Variants in KLHL36 observed in about 807,000 individuals in gnomAD.
KLHL36 encodes kelch-like protein 36.
A neutral mutation model predicts 53.3 loss-of-function variants in KLHL36; 35 were observed. The observed-to-expected ratio is 0.66, with a 90% CI of 0.50 to 0.87. The LOEUF is 0.87. Ranked by LOEUF, KLHL36 falls within the 40% of genes least tolerant of loss-of-function variation. KLHL36 has a pLI of 0.00. For synonymous variants in KLHL36, 472 were observed against 398.9 expected (o/e 1.18, Z -2.18); for missense variants, 864 against 897.6 (o/e 0.96, Z 0.48).
chr16:84,656,485 C>T, intron 2 of KLHL36, among the ~76,000 whole-genome samples: 1 of 151,206 alleles, frequency 6.6e-6, no homozygotes, highest in East Asian at 2.0e-4. Context: ...GGCCAGGCTG[C>T]TCTCAAACTC....
chr16:84,651,018 T>C (rs1395920011), intron 2 of KLHL36, 88 bp downstream of exon 2: 3 of 1,131,730 alleles, frequency 2.7e-6, no homozygotes, highest in African/African-American at 1.6e-5. Flanking sequence ...CACAGACTGA[T>C]TTTTTTGTCA....
At chr16:84,660,290 C>T (rs561087105) in intron 4 of KLHL36, among the ~76,000 whole-genome samples, 3 of 152,086 alleles carry the variant, frequency 2.0e-5, no homozygotes, top group Non-Finnish European at 2.9e-5. Context: ...GTCTTCACCC[C>T]GCTCGGCCTT....
intron 3 of KLHL36, chr16:84,659,508 A>G: frequency 2.2e-6 from 1 of 458,216 alleles, no homozygotes; most frequent in South Asian, 3.1e-5. Context: ...TCGGGGGTTC[A>G]GAGCATCTCC....
At chr16:84,652,411 C>T (rs1906944114) in intron 2 of KLHL36, among the ~76,000 whole-genome samples, 1 of 152,064 alleles carries the variant, frequency 6.6e-6, no homozygotes, top group Non-Finnish European at 1.5e-5. Flanking sequence ...GCTGGGAATA[C>T]AGGTGCATGC....
Position 84,662,098 on chromosome 16 carries a change from G to A in KLHL36, c.1816G>A (p.Gly606Ser), listed in dbSNP as rs773316572. ...EPRPEDKKKK[G>S]KGKRHQDRGQ Reference sequence around the variant, plus strand: ...ACGGCCAGAGGACAAGAAGAAGAAAGGCAAAGGCAAGAGGCACCAGGACCG... The same window carrying A: ...ACGGCCAGAGGACAAGAAGAAGAAAAGCAAAGGCAAGAGGCACCAGGACCG... The change falls in exon 5 of 5, where the codon GGC becomes AGC. Residue 606 changes from glycine (G) to serine (S), a missense_variant. Physicochemically the swap from Gly to Ser is moderately conservative, Grantham distance 56 (BLOSUM62 0). Transcript: ENST00000564996. 102 of 1,566,664 alleles carry A rather than the reference G, an allele frequency of 6.5e-5. No individual in the cohort carries two copies. The highest frequency in any genetic ancestry group is 8.7e-5 in the Non-Finnish European group (101 of 1,155,048).
chr16:84,656,683 GA>G (rs35874869), intron 2 of KLHL36, among the ~76,000 whole-genome samples, 187 bp from the exon 3 acceptor site: 22 of 147,358 alleles, frequency 1.5e-4, no homozygotes, highest in African/African-American at 4.0e-4. Context: ...ATAAGAGAAG[GA>G]AAAAAAAAAC....
rs1907306774 is a variant in KLHL36 at position 84,657,738 on chromosome 16, C to G, written c.931C>G (p.Leu311Val). 6.2e-7 allele frequency: 1 copy of G among 1,612,436 alleles called. No homozygotes were observed. The highest frequency in any genetic ancestry group is 8.5e-7 in the Non-Finnish European group (1 of 1,179,684). Residue 311 changes from leucine to valine, a missense_variant, in exon 3 of 5, where the codon CTC becomes GTC. Transcript: ENST00000564996. ...GGEVSERCLE[L>V]SDDTCYLDAK... ...CGAGGTCTCCGAGCGGTGTCTGGAG[C>G]TCAGTGACGACACCTGCTACCTGGA... is the stretch of plus-strand genomic sequence containing the variant.
Position 84,648,996 on chromosome 16 carries a change from A to G in KLHL36, c.-17+347A>G, listed in dbSNP as rs1268562929. 2 of 152,132 alleles carry G rather than the reference A, an allele frequency of 1.3e-5. No individual in the cohort carries two copies. The highest frequency in any genetic ancestry group is 2.9e-5 in the Non-Finnish European group (2 of 68,000). The allele number at this position is 152,132 out of a possible 1,614,324, so 9.4% of individuals were successfully genotyped here. On this transcript the variant is annotated intron_variant, in intron 1 of 4. Transcript: ENST00000564996. This position sits in a 1 kb window ranked among gnomAD's most constrained non-coding sequence, Gnocchi z 4.9. Reference sequence around the variant, plus strand: ...CCGCCTGGGCTGCGGGGTCCGAGCGAACGACAGCGGCGTCCCCGGAGACCC... The same window carrying G: ...CCGCCTGGGCTGCGGGGTCCGAGCGGACGACAGCGGCGTCCCCGGAGACCC...
chr16:84,651,059 A>G lies in KLHL36; in HGVS notation c.63+129A>G, dbSNP rs992105349. 4 of 730,186 alleles carry G rather than the reference A, an allele frequency of 5.5e-6. No individual in the cohort carries two copies. In the African/African-American group the frequency reaches 7.2e-5, roughly 13 times the overall value. 45.2% of individuals were successfully genotyped at this position (730,186 alleles called of 1,614,324 possible). ...GTTGTCAGTCTCCTTAATGACAAGT[A>G]AAGGTGGAAACGGGCAAGGAGCAGA... On this transcript the variant is annotated intron_variant, in intron 2 of 4. Coordinates refer to ENST00000564996, the MANE Select transcript of KLHL36 (RefSeq NM_024731.4).
Position 84,657,506 on chromosome 16 carries a change from G to A in KLHL36, c.699G>A (p.Glu233=). 5 of 1,609,310 alleles carry A rather than the reference G, an allele frequency of 3.1e-6. No homozygotes were observed. Among genetic ancestry groups the A allele is most frequent in the Non-Finnish European group, 4.2e-6 (5 of 1,179,896 alleles). The change falls in exon 3 of 5, where the codon GAG becomes GAA. Residue 233 remains glutamate (E), a synonymous_variant. Transcript: ENST00000564996. ...AGGCCCACGCCCGCCAGGTGCTGGA[G>A]AACATCCACTTCCCGCTCATCCCCA... ...EREAHARQVL[E]NIHFPLIPKN...
rs1000684906 is a variant in KLHL36 at position 84,666,466 on chromosome 16, G to C, written c.*4333G>C. 1 of 152,314 alleles carries C rather than the reference G, an allele frequency of 6.6e-6. No homozygotes were observed. Among genetic ancestry groups the C allele is most frequent in the Admixed American group, 6.5e-5 (1 of 15,300 alleles). The allele number at this position is 152,314 out of a possible 1,614,324, so 9.4% of individuals were successfully genotyped here. ...CAAGAGGAAACCTTAACCCCCCTGA[G>C]AGGGTCTGCGTTTCTTCTAGAGCTC... On this transcript the variant is annotated 3_prime_UTR_variant, in exon 5 of 5. Transcript: ENST00000564996.
rs577547731 is a variant in KLHL36, at chr16:84,650,702, A to G, written c.-16-150A>G. The G allele has an allele frequency of 6.9e-4, 402 of 586,390 alleles. 1 individual carries two copies. The highest frequency in any genetic ancestry group is 1.1e-3 in the Non-Finnish European group (375 of 333,422). 36.3% of individuals were successfully genotyped at this position (586,390 alleles called of 1,614,324 possible). A position where few individuals can be genotyped will look rare whatever the true frequency, so the allele number is the denominator to read the frequency against. ...CCCGATGATTTCTCAACTCGGTGTAAAAGAGTTCTTTGTAGTGCACGGTCC... is the reference window on the plus strand; with the variant it reads ...CCCGATGATTTCTCAACTCGGTGTAGAAGAGTTCTTTGTAGTGCACGGTCC... On this transcript the variant is annotated intron_variant, in intron 1 of 4. Coordinates refer to ENST00000564996, the MANE Select transcript of KLHL36 (RefSeq NM_024731.4).
rs140762792 is a variant in KLHL36 at position 84,656,932 on chromosome 16, G to A, written c.125G>A (p.Arg42His). 2.5e-5 allele frequency: 40 copies of A among 1,613,332 alleles called. No individual in the cohort carries two copies. The East Asian group carries it at 3.1e-4, about 13-fold the overall frequency. ...VLQRLNEQRLRGLFCDVVLVA... is the reference protein window; with the variant it reads ...VLQRLNEQRLHGLFCDVVLVA... The stretch of plus-strand genomic sequence containing the variant: ...CAGCGGCTGAACGAGCAGCGTCTCC[G>A]CGGGCTCTTCTGCGACGTCGTCCTG... Residue 42 changes from arginine to histidine, a missense_variant, in exon 3 of 5, where the codon CGC (arginine) becomes CAC (histidine). Arg to His is a conservative substitution (Grantham distance 29). Coordinates refer to ENST00000564996, the MANE Select transcript of KLHL36 (RefSeq NM_024731.4).
chr16:84,662,317 T>G lies in KLHL36; in HGVS notation c.*184T>G. On this transcript the variant is annotated 3_prime_UTR_variant, in exon 5 of 5. Coordinates refer to ENST00000564996, the MANE Select transcript of KLHL36 (RefSeq NM_024731.4). ...AATACTATCTGTAACTTTACATATC[T>G]TGCTTGAATAACTAACCCTGGGCCC... 2 of 595,320 alleles carry G rather than the reference T, an allele frequency of 3.4e-6. No homozygotes were observed. Among genetic ancestry groups the G allele is most frequent in the Non-Finnish European group, 5.6e-6 (2 of 354,076 alleles). The allele number at this position is 595,320 out of a possible 1,614,324, so 36.9% of individuals were successfully genotyped here.
intron 1 of KLHL36, 79 bp from the exon 2 acceptor site, chr16:84,650,773 G>A (rs958503374): frequency 2.0e-6 from 2 of 997,750 alleles, no homozygotes. Context: ...GTCATCCTTG[G>A]TATCTGCTAG....
chr16:84,656,666 T>C (rs541350678), intron 2 of KLHL36, among the ~76,000 whole-genome samples: 1 of 144,480 alleles, frequency 6.9e-6, no homozygotes, highest in South Asian at 2.3e-4. Flanking sequence ...AGAAAGAAGT[T>C]ATATTAATAA....
intron 3 of KLHL36, 183 bp downstream of exon 3, chr16:84,658,127 G>A (rs898053764): frequency 1.3e-5 from 7 of 524,406 alleles, no homozygotes; most frequent in South Asian, 3.5e-5. Context: ...AGGGAGAGCC[G>A]ACCCACCCCT....
chr16:84,657,125 C>G lies in KLHL36; in HGVS notation c.318C>G (p.Gly106=). The change falls in exon 3 of 5, where the codon GGC becomes GGG. Residue 106 remains glycine (G), a synonymous_variant. Coordinates refer to ENST00000564996, the MANE Select transcript of KLHL36 (RefSeq NM_024731.4). The part of the protein sequence containing the change: ...GLKAVVDFLY[G]GELVLDGGNI... Reference sequence around the variant, plus strand: ...AGGCCGTGGTGGACTTCCTGTACGGCGGGGAGCTGGTGCTGGATGGCGGCA... The same window carrying G: ...AGGCCGTGGTGGACTTCCTGTACGGGGGGGAGCTGGTGCTGGATGGCGGCA... 6.2e-7 allele frequency: 1 copy of G among 1,614,142 alleles called. No individual in the cohort carries two copies. Among genetic ancestry groups the G allele is most frequent in the East Asian group, 2.2e-5 (1 of 44,888 alleles).
Position 84,662,232 on chromosome 16 carries a change from T to C in KLHL36, c.*99T>C, listed in dbSNP as rs1907604044. Reference sequence around the variant, plus strand: ...TATTCCGGAAACATTATGTACAACTTAGCAGCTTTTTTTACTTTTATGATT... The same window carrying C: ...TATTCCGGAAACATTATGTACAACTCAGCAGCTTTTTTTACTTTTATGATT... On this transcript the variant is annotated 3_prime_UTR_variant, in exon 5 of 5. Transcript: ENST00000564996. 6 of 1,091,420 alleles carry C rather than the reference T, an allele frequency of 5.5e-6. No homozygotes were observed. The highest frequency in any genetic ancestry group is 7.6e-6 in the Non-Finnish European group (6 of 787,644). The allele number at this position is 1,091,420 out of a possible 1,614,324, so 67.6% of individuals were successfully genotyped here.
Sources: gnomAD v4.1 joint callset for allele counts (sites outside exome capture counted in the v4.1 genomes callset) on GRCh38, gnomAD v4.1.1 for gene constraint, Gnocchi (gnomAD v3.1) non-coding constraint, MANE v1.5 for transcripts, NCBI Gene and HGNC (gene_info 2026-07-23, HGNC 2026-07-21) for gene names.